The following PARP8 variants were observed in gnomAD, a reference collection of about 807,000 sequenced individuals.
PARP8 encodes the protein protein mono-ADP-ribosyltransferase PARP8.
A neutral mutation model predicts 124.1 loss-of-function variants in PARP8; 51 were observed. That is an observed-to-expected ratio of 0.41 (90% CI 0.33 to 0.52). The LOEUF (loss-of-function observed/expected upper bound fraction) is 0.52. Among genes scored for constraint, PARP8 ranks in the 20% least tolerant of loss-of-function variants. The pLI, the probability that PARP8 is intolerant of heterozygous loss-of-function variation, is 0.21. For synonymous variants in PARP8, 391 were observed against 361.5 expected, an observed-to-expected ratio of 1.08 and a Z score of -0.93; for missense variants, 860 against 1,018.9, an observed-to-expected ratio of 0.84 and a Z score of 2.12.
intron 2 of PARP8, among the ~76,000 whole-genome samples, chr5:50,722,957 A>T (rs931101825): frequency 7.9e-5 from 12 of 152,122 alleles, no homozygotes; most frequent in East Asian, 3.9e-4. Context: ...ATGATCTGTA[A>T]TGCAGCTTGG....
chr5:50,780,679 A>G (rs940543514), intron 9 of PARP8, among the ~76,000 whole-genome samples: 1 of 152,114 alleles, frequency 6.6e-6, no homozygotes, highest in Non-Finnish European at 1.5e-5. Flanking sequence ...GTTGATTCAT[A>G]TATTTTACAA....
At chr5:50,752,765 G>T (rs142224326) in intron 3 of PARP8, among the ~76,000 whole-genome samples, 4 of 151,948 alleles carry the variant, frequency 2.6e-5, no homozygotes, top group African/African-American at 9.6e-5. Context: ...ACTTTTCCTG[G>T]ATTATTTGGA....
chr5:50,757,671 T>G (rs940279504), intron 3 of PARP8, among the ~76,000 whole-genome samples: 12 of 152,184 alleles, frequency 7.9e-5, no homozygotes, highest in Non-Finnish European at 2.9e-5. Flanking sequence ...AGTCACCAAA[T>G]TATATTCTCT....
intron 2 of PARP8, among the ~76,000 whole-genome samples, chr5:50,747,563 G>C (rs1232837681): frequency 2.0e-5 from 3 of 151,376 alleles, no homozygotes; most frequent in Non-Finnish European, 4.4e-5. Flanking sequence ...TTTGTTATTA[G>C]GTACATACAC....
intron 2 of PARP8, among the ~76,000 whole-genome samples, chr5:50,710,264 G>C (rs1177826337): frequency 1.3e-5 from 2 of 151,850 alleles, no homozygotes; most frequent in African/African-American, 4.8e-5. Flanking sequence ...TTATCATAGG[G>C]AGATCCAGTT....
chr5:50,730,004 T>C (rs1756819113), intron 2 of PARP8, among the ~76,000 whole-genome samples: 1 of 152,196 alleles, frequency 6.6e-6, no homozygotes, highest in Admixed American at 6.5e-5. Flanking sequence ...TTTTAAATGC[T>C]TTCTTAAAGT....
intron 3 of PARP8, among the ~76,000 whole-genome samples, chr5:50,756,217 T>C (rs906399751): frequency 1.2e-4 from 19 of 152,194 alleles, no homozygotes; most frequent in African/African-American, 3.1e-4. Context: ...TCCAACACTA[T>C]GTTGAATAGG....
intron 14 of PARP8, among the ~76,000 whole-genome samples, chr5:50,802,876 G>T (rs1292140649): frequency 6.6e-6 from 1 of 152,056 alleles, no homozygotes; most frequent in African/African-American, 2.4e-5. Flanking sequence ...GCAGTCCTTT[G>T]TATTTACCTG....
intron 2 of PARP8, among the ~76,000 whole-genome samples, chr5:50,718,468 T>TAC (rs1322737605): frequency 6.6e-6 from 1 of 151,946 alleles, no homozygotes; most frequent in Non-Finnish European, 1.5e-5. Context: ...TGTGTATGTA[T>TAC]ATATATACAA....
At chr5:50,836,871 C>T (rs1460612295) in intron 25 of PARP8, among the ~76,000 whole-genome samples, 4 of 152,136 alleles carry the variant, frequency 2.6e-5, no homozygotes, top group South Asian at 2.1e-4. Context: ...AGATTTTGGC[C>T]GAAAAGTAAC....
intron 2 of PARP8, among the ~76,000 whole-genome samples, chr5:50,709,338 T>A (rs1274700250): frequency 1.3e-5 from 2 of 152,034 alleles, no homozygotes; most frequent in African/African-American, 4.8e-5. Context: ...CTTTCATTTT[T>A]TTCTTTTTCT....
intron 17 of PARP8, among the ~76,000 whole-genome samples, chr5:50,824,481 G>T (rs915349747): frequency 6.6e-6 from 1 of 152,260 alleles, no homozygotes; most frequent in East Asian, 1.9e-4. Flanking sequence ...GACTAGAGGA[G>T]TTATGTAAAA....
chr5:50,679,559 G>A (rs1751042743), intron 2 of PARP8, among the ~76,000 whole-genome samples: 1 of 152,128 alleles, frequency 6.6e-6, no homozygotes, highest in African/African-American at 2.4e-5. Flanking sequence ...TCCTTAGAAA[G>A]CCTGTGTGTA....
Position 50,782,957 on chromosome 5 carries a change from A to G in PARP8, c.670+4307A>G, listed in dbSNP as rs1407368112. Among the ~76,000 whole-genome samples, 3 of 152,128 alleles carry G rather than the reference A, an allele frequency of 2.0e-5. No individual in the cohort carries two copies. In the South Asian group the frequency reaches 6.2e-4, roughly 32 times the overall value. ...TACAGTCCCTTGGGGCTGGAATGAC[A>G]CGGGAAAGGGATGGTATGCAGCAGA... is the stretch of plus-strand genomic sequence containing the variant. On this transcript the variant is annotated intron_variant, in intron 9 of 25. Transcript: ENST00000281631.
At chr5:50,698,531 C>T (rs950254692) in intron 2 of PARP8, among the ~76,000 whole-genome samples, 3 of 151,910 alleles carry the variant, frequency 2.0e-5, no homozygotes, top group Admixed American at 6.6e-5. Flanking sequence ...TAACTTATAC[C>T]GAGAGTTTTA....
At chr5:50,753,376 C>A (rs551940052) in intron 3 of PARP8, among the ~76,000 whole-genome samples, 19 of 152,022 alleles carry the variant, frequency 1.2e-4, no homozygotes, top group African/African-American at 4.3e-4. Flanking sequence ...TTAGGTATAG[C>A]CTGTGAATAA....
rs1429800766 is a variant in PARP8 at position 50,845,241 on chromosome 5, AT to A, written c.*3179del. ...TAGCAGTACTTTGTATAATAAAAATATTTTTTAAACTATAACTTGCCTTAGA... is the reference window on the plus strand; with the variant it reads ...TAGCAGTACTTTGTATAATAAAAATATTTTTAAACTATAACTTGCCTTAGA... On this transcript the variant is annotated 3_prime_UTR_variant, in exon 26 of 26. Transcript: ENST00000281631. 1 of 151,750 alleles carries A rather than the reference AT, an allele frequency of 6.6e-6. No individual in the cohort carries two copies. Among genetic ancestry groups the A allele is most frequent in the Non-Finnish European group, 1.5e-5 (1 of 67,788 alleles). 9.4% of individuals were successfully genotyped at this position (151,750 alleles called of 1,614,324 possible). A position where few individuals can be genotyped will look rare whatever the true frequency, so the allele number is the denominator to read the frequency against.
At chr5:50,841,441 C>CTT (rs1748165788) in intron 25 of PARP8, among the ~76,000 whole-genome samples, 2 of 151,682 alleles carry the variant, frequency 1.3e-5, no homozygotes, top group African/African-American at 2.4e-5. Flanking sequence ...GAATATGTTA[C>CTT]AGTCAGACTA....
At chr5:50,788,310 T>G (rs1438877235) in intron 9 of PARP8, among the ~76,000 whole-genome samples, 1 of 148,788 alleles carries the variant, frequency 6.7e-6, no homozygotes, top group Non-Finnish European at 1.5e-5. Context: ...GTATACAATA[T>G]AATGTATAAT....
Sources: gnomAD v4.1 joint callset for allele counts (sites outside exome capture counted in the v4.1 genomes callset) on GRCh38, gnomAD v4.1.1 for gene constraint, MANE v1.5 for transcripts, NCBI Gene and HGNC (gene_info 2026-07-23, HGNC 2026-07-21) for gene names.